The following KIAA0825 variants were observed in gnomAD, a reference collection of about 807,000 sequenced individuals.
KIAA0825 encodes the protein uncharacterized protein KIAA0825.
A neutral mutation model predicts 147.6 loss-of-function variants in KIAA0825; 119 were observed. That is an observed-to-expected ratio of 0.81 (90% CI 0.69 to 0.94). The LOEUF (loss-of-function observed/expected upper bound fraction) is 0.94. KIAA0825 is among the 40% of genes least tolerant of loss of function. KIAA0825 has a pLI of 0.00. For missense variants in KIAA0825, 1,381 were observed against 1,472.7 expected, an observed-to-expected ratio of 0.94 and a Z score of 1.02; for synonymous variants, 470 against 518.1, an observed-to-expected ratio of 0.91 and a Z score of 1.26.
At chr5:94,529,776 T>C (rs1339446710) in intron 3 of KIAA0825, among the ~76,000 whole-genome samples, 1 of 152,206 alleles carries the variant, frequency 6.6e-6, no homozygotes, top group East Asian at 1.9e-4. Flanking sequence ...TAGCTTCATC[T>C]ATCATGTTCT....
chr5:94,527,327 ATTATAAACT>A (rs1332994054), intron 3 of KIAA0825, among the ~76,000 whole-genome samples: 2 of 152,070 alleles, frequency 1.3e-5, no homozygotes, highest in Non-Finnish European at 2.9e-5. Context: ...GAAGAGGATA[ATTATAAACT>A]CTTGAAACTT....
intron 14 of KIAA0825, among the ~76,000 whole-genome samples, chr5:94,423,499 A>G (rs1754463537): frequency 6.6e-6 from 1 of 152,202 alleles, no homozygotes; most frequent in South Asian, 2.1e-4. Context: ...AGGAGACTGT[A>G]TTTATTGGTA....
intron 20 of KIAA0825, among the ~76,000 whole-genome samples, chr5:94,210,134 A>G (rs1338220880): frequency 6.6e-6 from 1 of 152,190 alleles, no homozygotes; most frequent in Non-Finnish European, 1.5e-5. Context: ...CATGATTATG[A>G]CCGAACGCAC....
chr5:94,581,158 A>G (rs1782095349), intron 2 of KIAA0825, among the ~76,000 whole-genome samples: 1 of 152,170 alleles, frequency 6.6e-6, no homozygotes, highest in Admixed American at 6.5e-5. Context: ...GGTTCTTTAT[A>G]TCTATAGAGG....
At chr5:94,447,982 C>T (rs1562506449) in intron 13 of KIAA0825, among the ~76,000 whole-genome samples, 1 of 151,760 alleles carries the variant, frequency 6.6e-6, no homozygotes, top group Non-Finnish European at 1.5e-5. Flanking sequence ...CTAAGGAAGA[C>T]CTGAAAATGC....
intron 15 of KIAA0825, among the ~76,000 whole-genome samples, chr5:94,407,424 G>A (rs992932755): frequency 3.3e-5 from 5 of 152,164 alleles, no homozygotes; most frequent in African/African-American, 1.2e-4. Flanking sequence ...ATTCATAACA[G>A]CCAAAAAGTG....
chr5:94,371,682 T>C (rs1396356439), intron 20 of KIAA0825, among the ~76,000 whole-genome samples: 2 of 152,164 alleles, frequency 1.3e-5, no homozygotes, highest in African/African-American at 2.4e-5. Flanking sequence ...GGGGGAATTA[T>C]GGAAACTAAA....
At chr5:94,241,742 TAGAC>T (rs1188768871) in intron 20 of KIAA0825, among the ~76,000 whole-genome samples, 2 of 152,192 alleles carry the variant, frequency 1.3e-5, no homozygotes, top group African/African-American at 4.8e-5. Context: ...TTAAAAGACT[TAGAC>T]AGACTGGAAA....
chr5:94,229,707 T>C (rs1372586416), intron 20 of KIAA0825, among the ~76,000 whole-genome samples: 1 of 152,080 alleles, frequency 6.6e-6, no homozygotes, highest in Non-Finnish European at 1.5e-5. Context: ...CAAACTGCTA[T>C]AGAATATTTT....
At chr5:94,212,913 C>T (rs577355334) in intron 20 of KIAA0825, among the ~76,000 whole-genome samples, 2 of 152,152 alleles carry the variant, frequency 1.3e-5, no homozygotes, top group East Asian at 1.9e-4. Flanking sequence ...AGAACTACCA[C>T]CTTAACAAAG....
At chr5:94,454,262 C>T (rs1387756959) in intron 12 of KIAA0825, among the ~76,000 whole-genome samples, 2 of 152,152 alleles carry the variant, frequency 1.3e-5, no homozygotes, top group Admixed American at 1.3e-4. Context: ...GTAGTACCAT[C>T]TCTCTTTATA....
At chr5:94,249,970 A>T (rs1238280647) in intron 20 of KIAA0825, among the ~76,000 whole-genome samples, 1 of 152,110 alleles carries the variant, frequency 6.6e-6, no homozygotes, top group Non-Finnish European at 1.5e-5. Context: ...TACGTTTTTG[A>T]TGAATAAATG....
chr5:94,339,533 C>T (rs1391291865), intron 20 of KIAA0825, among the ~76,000 whole-genome samples: 4 of 152,258 alleles, frequency 2.6e-5, no homozygotes, highest in African/African-American at 4.8e-5. Context: ...GTAGCGTCAA[C>T]GCATTTTTAT....
At chr5:94,469,828 T>C (rs939067716) in intron 10 of KIAA0825, 133 bp downstream of exon 10, 4 of 680,990 alleles carry the variant, frequency 5.9e-6, no homozygotes, top group Admixed American at 3.5e-5. Context: ...ATGAATTCAA[T>C]ATTTTAAAAA....
In KIAA0825 at chr5:94,487,853, C is replaced by A. The variant is rs147766603; in HGVS notation, c.971-2923G>T. ...CCTGTAGTTCCAGCTACTCAGGAGG[C>A]TGAGGTGGGAGGATCACCTGAGCCC... is the stretch of plus-strand genomic sequence containing the variant. On this transcript the variant is annotated intron_variant, in intron 5 of 20. Transcript: ENST00000682413. Among the ~76,000 whole-genome samples, 670 of 152,250 alleles carry A rather than the reference C, an allele frequency of 4.4e-3. 5 individuals are homozygous for A. Among genetic ancestry groups the A allele is most frequent in the African/African-American group, 0.015 (627 of 41,560 alleles).
At chr5:94,210,153 T>C (rs1772569973) in intron 20 of KIAA0825, among the ~76,000 whole-genome samples, 2 of 152,194 alleles carry the variant, frequency 1.3e-5, no homozygotes, top group Non-Finnish European at 2.9e-5. Context: ...ACTGCTCCCC[T>C]ATGCATCTTG....
chr5:94,302,271 C>T (rs1411242498), intron 20 of KIAA0825, among the ~76,000 whole-genome samples: 2 of 152,122 alleles, frequency 1.3e-5, no homozygotes, highest in Non-Finnish European at 2.9e-5. Flanking sequence ...CCTAGCCTAA[C>T]ATATGTTCTA....
rs572974483 is a variant in KIAA0825 at position 94,469,461 on chromosome 5, C to T, written c.1872+500G>A. Among the ~76,000 whole-genome samples the T allele has an allele frequency of 1.8e-4, 27 of 152,184 alleles. No homozygotes were observed. In the South Asian group the frequency reaches 5.4e-3, roughly 30 times the overall value. ...TGCTGGGATTACAGGCGTGAGCCAC[C>T]GCACCCGGCCTCAAATGGGTCTTAA... On this transcript the variant is annotated intron_variant, in intron 10 of 20. Transcript: ENST00000682413.
At chr5:94,461,119 G>C (rs1464384671) in intron 12 of KIAA0825, among the ~76,000 whole-genome samples, 1 of 151,838 alleles carries the variant, frequency 6.6e-6, no homozygotes, top group Non-Finnish European at 1.5e-5. Flanking sequence ...AAAAGCCATA[G>C]GTTAACAATA....
Sources: gnomAD v4.1 joint callset for allele counts (sites outside exome capture counted in the v4.1 genomes callset) on GRCh38, gnomAD v4.1.1 for gene constraint, MANE v1.5 for transcripts, NCBI Gene and HGNC (gene_info 2026-07-23, HGNC 2026-07-21) for gene names.